UBE2G1: variants seen among roughly 807,000 people sequenced by gnomAD.
UBE2G1 encodes ubiquitin-conjugating enzyme E2 G1.
Under a neutral mutation model 22.7 loss-of-function variants are expected in UBE2G1, and 5 were observed. The observed-to-expected ratio is 0.22, with a 90% CI of 0.12 to 0.46. UBE2G1 has a LOEUF of 0.46. Among genes scored for constraint, UBE2G1 ranks in the 20% least tolerant of loss-of-function variants. UBE2G1 has a pLI of 0.99. For synonymous variants in UBE2G1, 74 were observed against 67.5 expected (o/e 1.10, Z -0.47); for missense variants, 88 against 203.9 (o/e 0.43, Z 3.46).
chr17:4,308,217 G>C (rs887889131), intron 1 of UBE2G1, among the ~76,000 whole-genome samples: 3 of 152,228 alleles, frequency 2.0e-5, no homozygotes, highest in Non-Finnish European at 4.4e-5. Context: ...GCTGGGCGTA[G>C]TGGCACATGC....
chr17:4,336,612 C>T (rs1598198733), intron 1 of UBE2G1, among the ~76,000 whole-genome samples: 1 of 152,050 alleles, frequency 6.6e-6, no homozygotes, highest in Non-Finnish European at 1.5e-5. Flanking sequence ...CTGCAACCTC[C>T]ACCTCCCAGG....
At position 4,328,988 on chromosome 17, in the gene UBE2G1, C is replaced by G. The variant is rs1235048619; in HGVS notation, c.47-21865G>C. On this transcript the variant is annotated intron_variant, in intron 1 of 5. Coordinates refer to ENST00000396981, the MANE Select transcript of UBE2G1 (RefSeq NM_003342.5). Reference sequence around the variant, plus strand: ...AGGCGTGGTGGCGGACGCCTGTAGTCCCAGCTACTCAGGAGGCTGAGGCAG... The same window carrying G: ...AGGCGTGGTGGCGGACGCCTGTAGTGCCAGCTACTCAGGAGGCTGAGGCAG... Among the ~76,000 whole-genome samples, 3 of 151,858 alleles carry G rather than the reference C, an allele frequency of 2.0e-5. No individual in the cohort carries two copies. The East Asian group carries it at 5.8e-4, about 29-fold the overall frequency.
intron 1 of UBE2G1, among the ~76,000 whole-genome samples, chr17:4,353,824 T>A (rs1597266573): frequency 2.0e-5 from 3 of 146,552 alleles, no homozygotes; most frequent in African/African-American, 7.6e-5. Flanking sequence ...TTTTTTTTTT[T>A]TTTTTTTTTT....
intron 1 of UBE2G1, chr17:4,364,029 C>A (rs950091327): frequency 6.7e-6 from 1 of 149,484 alleles, no homozygotes; most frequent in Non-Finnish European, 1.5e-5. Context: ...CTTTGGGAGG[C>A]CCAGGCAGGC....
At chr17:4,342,607 A>C (rs1969724011) in intron 1 of UBE2G1, among the ~76,000 whole-genome samples, 1 of 152,178 alleles carries the variant, frequency 6.6e-6, no homozygotes, top group Non-Finnish European at 1.5e-5. Flanking sequence ...ATTCTATTCC[A>C]CCAGCAAATT....
intron 2 of UBE2G1, among the ~76,000 whole-genome samples, chr17:4,304,697 T>C (rs1969228281): frequency 6.6e-6 from 1 of 152,156 alleles, no homozygotes; most frequent in Non-Finnish European, 1.5e-5. Context: ...TTCTATTATC[T>C]AATTATAAAG....
intron 5 of UBE2G1, among the ~76,000 whole-genome samples, chr17:4,276,631 T>C (rs1418462968): frequency 1.5e-5 from 2 of 129,710 alleles, no homozygotes; most frequent in Non-Finnish European, 3.3e-5. Flanking sequence ...TATAGATTCA[T>C]GCCCCACATC....
chr17:4,290,953 A>G (rs1425532191), intron 3 of UBE2G1, among the ~76,000 whole-genome samples: 1 of 152,190 alleles, frequency 6.6e-6, no homozygotes, highest in Non-Finnish European at 1.5e-5. Context: ...TATGACAGGC[A>G]AGGCCCGTGC....
chr17:4,321,602 C>T (rs1181294824), intron 1 of UBE2G1, among the ~76,000 whole-genome samples: 3 of 152,148 alleles, frequency 2.0e-5, no homozygotes, highest in African/African-American at 7.2e-5. Flanking sequence ...AAGCAATCCT[C>T]CCACCTCAGC....
intron 5 of UBE2G1, among the ~76,000 whole-genome samples, chr17:4,280,223 G>A (rs1328457878): frequency 6.6e-6 from 1 of 151,092 alleles, no homozygotes; most frequent in Admixed American, 6.6e-5. Context: ...ATCTGGTAGA[G>A]ACGAGGTTTC....
At chr17:4,290,541 A>G (rs1969021224) in intron 3 of UBE2G1, among the ~76,000 whole-genome samples, 1 of 152,056 alleles carries the variant, frequency 6.6e-6, no homozygotes, top group Non-Finnish European at 1.5e-5. Context: ...GTATGATCAC[A>G]GCTCTATGCA....
chr17:4,343,827 T>A (rs1438877215), intron 1 of UBE2G1, among the ~76,000 whole-genome samples: 1 of 151,956 alleles, frequency 6.6e-6, no homozygotes, highest in Non-Finnish European at 1.5e-5. Context: ...GACCTCATGA[T>A]CCGCCCGCCT....
chr17:4,317,737 T>G (rs1358180151), intron 1 of UBE2G1, among the ~76,000 whole-genome samples: 1 of 152,222 alleles, frequency 6.6e-6, no homozygotes, highest in Non-Finnish European at 1.5e-5. Context: ...TTCACCCTGC[T>G]TATCACAGCT....
chr17:4,275,983 T>A (rs1054608111), intron 5 of UBE2G1, among the ~76,000 whole-genome samples: 5 of 152,178 alleles, frequency 3.3e-5, no homozygotes, highest in Non-Finnish European at 7.4e-5. Context: ...CTCTCCTGCA[T>A]GTTACCAAGC....
chr17:4,315,797 CTCCT>C (rs1187928937), intron 1 of UBE2G1, among the ~76,000 whole-genome samples: 56 of 69,594 alleles, frequency 8.0e-4, no homozygotes, highest in Middle Eastern at 9.4e-3. Context: ...AGAAAAGAGG[CTCCT>C]TTTTTTTTTT....
chr17:4,274,141 C>T (rs1380755993), intron 5 of UBE2G1, among the ~76,000 whole-genome samples: 3 of 150,234 alleles, frequency 2.0e-5, no homozygotes, highest in Admixed American at 6.6e-5. Context: ...CCACCACACC[C>T]GGCTAATTTA....
At chr17:4,338,005 C>G (rs1195810278) in intron 1 of UBE2G1, among the ~76,000 whole-genome samples, 1 of 151,836 alleles carries the variant, frequency 6.6e-6, no homozygotes, top group Non-Finnish European at 1.5e-5. Flanking sequence ...CCCATCTCTA[C>G]TAAAAATACA....
chr17:4,319,734 AAGAG>A (rs1018156499), intron 1 of UBE2G1, among the ~76,000 whole-genome samples: 43 of 152,194 alleles, frequency 2.8e-4, no homozygotes, highest in Admixed American at 2.1e-3. Flanking sequence ...AAAAAAAAAA[AAGAG>A]AGAGAGAGAA....
intron 1 of UBE2G1, among the ~76,000 whole-genome samples, chr17:4,365,220 C>G (rs1970018307): frequency 1.3e-5 from 2 of 152,234 alleles, no homozygotes; most frequent in Non-Finnish European, 2.9e-5. Flanking sequence ...CTGAGAATGA[C>G]ACACGCCGGG....
Sources: gnomAD v4.1 joint callset for allele counts (sites outside exome capture counted in the v4.1 genomes callset) on GRCh38, gnomAD v4.1.1 for gene constraint, MANE v1.5 for transcripts, NCBI Gene and HGNC (gene_info 2026-07-23, HGNC 2026-07-21) for gene names.